RBFOX1: variants seen among roughly 807,000 people sequenced by gnomAD.
RBFOX1 encodes RNA binding fox-1 homolog 1.
RBFOX1 carries 8 observed loss-of-function variants against 57.7 expected under a neutral mutation model. That is an observed-to-expected ratio of 0.14 (90% CI 0.08 to 0.25). The LOEUF (loss-of-function observed/expected upper bound fraction) is 0.25. Among genes scored for constraint, RBFOX1 ranks in the 10% least tolerant of loss-of-function variants. The pLI, the probability that RBFOX1 is intolerant of heterozygous loss-of-function variation, is 1.00. For synonymous variants in RBFOX1, 326 were observed against 222.4 expected (o/e 1.47, Z -4.15); for missense variants, 611 against 548.5 (o/e 1.11, Z -1.14).
chr16:7,180,950 A>T (rs1158705134), intron 4 of RBFOX1, among the ~76,000 whole-genome samples: 1 of 152,228 alleles, frequency 6.6e-6, no homozygotes, highest in Non-Finnish European at 1.5e-5. Flanking sequence ...TCTGTGTCAC[A>T]ACTACTCAGC....
chr16:7,312,238 A>G (rs923765744), intron 4 of RBFOX1, among the ~76,000 whole-genome samples: 3 of 152,080 alleles, frequency 2.0e-5, no homozygotes, highest in Non-Finnish European at 2.9e-5. Context: ...AAATTATCTG[A>G]GCGTGGTGGA....
chr16:7,646,493 C>T (rs1288434838), intron 11 of RBFOX1, among the ~76,000 whole-genome samples: 2 of 152,212 alleles, frequency 1.3e-5, no homozygotes, highest in Non-Finnish European at 2.9e-5. Context: ...ATCTTAAAAC[C>T]TTCCAAGGCT....
Position 7,523,912 on chromosome 16 carries a change from T to G in RBFOX1, c.270+5523T>G, listed in dbSNP as rs1400440876. Among the ~76,000 whole-genome samples the G allele has an allele frequency of 1.6e-4, 24 of 152,286 alleles. No individual in the cohort carries two copies. In the East Asian group the frequency reaches 4.5e-3, roughly 28 times the overall value. ...CTACATTTATGGGGTGTACCTTGTC[T>G]TCACTCCAGGTTCTGAATTTCCTGT... is the stretch of plus-strand genomic sequence containing the variant. On this transcript the variant is annotated intron_variant, in intron 5 of 15. Coordinates refer to ENST00000550418, the MANE Select transcript of RBFOX1 (RefSeq NM_018723.4).
chr16:5,527,217 A>G (rs1872683), intron 2 of RBFOX1, among the ~76,000 whole-genome samples: 111,725 of 152,106 alleles, frequency 0.73, 42,267 homozygotes, highest in African/African-American at 0.91. Flanking sequence ...CCTGATGAGG[A>G]CCCGCGATGG....
chr16:7,444,953 T>G (rs2098796984), intron 4 of RBFOX1, among the ~76,000 whole-genome samples: 1 of 152,156 alleles, frequency 6.6e-6, no homozygotes, highest in Non-Finnish European at 1.5e-5. Context: ...GTAATCATGG[T>G]GTGTCATATG....
intron 1 of RBFOX1, among the ~76,000 whole-genome samples, chr16:5,317,631 G>A (rs1377270310): frequency 3.3e-5 from 5 of 152,008 alleles, no homozygotes; most frequent in African/African-American, 7.2e-5. Context: ...AAAAAAAAGC[G>A]AACAAAAAGA....
chr16:7,710,615 T>C lies in RBFOX1; in HGVS notation c.1072-8T>C. The C allele has an allele frequency of 1.2e-6, 2 of 1,610,908 alleles. No homozygotes were observed. The highest frequency in any genetic ancestry group is 1.7e-6 in the Non-Finnish European group (2 of 1,179,246). ...AAAAAACACACCCCTCAAATTGCTT[T>C]GTTTCAGAATGCTTTTGCACCTTTG... On this transcript the variant is annotated splice_region_variant and splice_polypyrimidine_tract_variant and intron_variant, in intron 15 of 15. Coordinates refer to ENST00000550418, the MANE Select transcript of RBFOX1 (RefSeq NM_018723.4).
At chr16:6,306,074 C>A (rs546215306) in intron 1 of RBFOX1, among the ~76,000 whole-genome samples, 1 of 152,278 alleles carries the variant, frequency 6.6e-6, no homozygotes, top group Admixed American at 6.5e-5. Flanking sequence ...TCTAGGCACT[C>A]TGTTGAGTGC....
intron 2 of RBFOX1, among the ~76,000 whole-genome samples, chr16:5,569,543 C>G (rs2046206613): frequency 7.5e-6 from 1 of 134,032 alleles, no homozygotes. Context: ...ATTCGATTCT[C>G]AGAATAGATC....
chr16:5,948,176 G>T (rs1345121097), intron 4 of RBFOX1, among the ~76,000 whole-genome samples: 1 of 152,172 alleles, frequency 6.6e-6, no homozygotes, highest in African/African-American at 2.4e-5. Flanking sequence ...GCCTCTGTTT[G>T]CTATAGAGGG....
chr16:6,839,086 G>A (rs767974724), intron 3 of RBFOX1, among the ~76,000 whole-genome samples: 2 of 152,048 alleles, frequency 1.3e-5, no homozygotes, highest in East Asian at 3.9e-4. Context: ...CTGGGTTCAA[G>A]TGATTCTCCC....
intron 3 of RBFOX1, among the ~76,000 whole-genome samples, chr16:6,900,974 C>A (rs1362326901): frequency 1.3e-5 from 2 of 152,090 alleles, no homozygotes; most frequent in Non-Finnish European, 2.9e-5. Flanking sequence ...TAAGATGTTC[C>A]CATAACGTTC....
intron 3 of RBFOX1, among the ~76,000 whole-genome samples, chr16:6,920,797 C>T (rs551361648): frequency 6.6e-5 from 10 of 152,306 alleles, no homozygotes; most frequent in African/African-American, 1.9e-4. Context: ...CTTAGGAGAA[C>T]ATCCACCCTG....
intron 3 of RBFOX1, among the ~76,000 whole-genome samples, chr16:6,865,137 G>A (rs985961917): frequency 5.0e-4 from 75 of 151,386 alleles, no homozygotes; most frequent in African/African-American, 1.8e-3. Context: ...CAAGTAGCTG[G>A]GATTACAGGT....
At chr16:6,283,428 C>T (rs997607440) in intron 1 of RBFOX1, among the ~76,000 whole-genome samples, 3 of 152,116 alleles carry the variant, frequency 2.0e-5, no homozygotes, top group East Asian at 3.9e-4. Context: ...CTGTTTTTAT[C>T]CCAGTCCTTC....
intron 14 of RBFOX1, among the ~76,000 whole-genome samples, chr16:7,692,873 GAC>G (rs1455817334): frequency 2.9e-5 from 4 of 136,530 alleles, no homozygotes; most frequent in African/African-American, 5.3e-5. Flanking sequence ...CTTCTGAAAT[GAC>G]AGCACTTTTT....
intron 4 of RBFOX1, among the ~76,000 whole-genome samples, chr16:5,885,992 T>C (rs1266778708): frequency 6.6e-6 from 1 of 152,026 alleles, no homozygotes; most frequent in Non-Finnish European, 1.5e-5. Flanking sequence ...TGATAGTGAG[T>C]TGTCATGAGA....
intron 2 of RBFOX1, among the ~76,000 whole-genome samples, chr16:5,524,597 G>A (rs915347390): frequency 6.6e-5 from 10 of 150,918 alleles, no homozygotes; most frequent in Admixed American, 6.6e-4. Flanking sequence ...CTGGAGTGCA[G>A]TGGTGCGATC....
intron 4 of RBFOX1, among the ~76,000 whole-genome samples, chr16:5,982,012 G>A (rs752949227): frequency 6.6e-6 from 1 of 152,178 alleles, no homozygotes; most frequent in Non-Finnish European, 1.5e-5. Flanking sequence ...GTTATCCAAG[G>A]AGTCTATGCA....
Sources: allele counts gnomAD v4.1 joint callset (sites outside exome capture counted in the v4.1 genomes callset), GRCh38; gene constraint gnomAD v4.1.1; transcripts MANE v1.5; gene names NCBI Gene and HGNC (gene_info 2026-07-23, HGNC 2026-07-21).